The following USH2A variants were observed in gnomAD, a reference collection of about 807,000 sequenced individuals.
The protein encoded by USH2A is Usher syndrome 2A (autosomal recessive, mild).
USH2A carries 443 observed loss-of-function variants against 538.9 expected under a neutral mutation model. The ratio of observed to expected loss-of-function variants is 0.82; its 90% CI spans 0.76 to 0.89. The LOEUF is 0.89. Ranked by LOEUF, USH2A falls within the 40% of genes least tolerant of loss-of-function variation. The probability of loss-of-function intolerance (pLI) is 0.00; values close to 1 mark genes in which losing one functional copy is unlikely to be tolerated. For missense variants in USH2A, 6,633 were observed against 6,324.8 expected, an observed-to-expected ratio of 1.05 and a Z score of -1.65; for synonymous variants, 2,413 against 2,273.5, an observed-to-expected ratio of 1.06 and a Z score of -1.75.
At chr1:216,389,342 A>T (rs548340234) in intron 3 of USH2A, among the ~76,000 whole-genome samples, 1 of 152,294 alleles carries the variant, frequency 6.6e-6, no homozygotes, top group African/African-American at 2.4e-5. Flanking sequence ...TAGACAAATG[A>T]CAGATCACTT....
intron 9 of USH2A, among the ~76,000 whole-genome samples, chr1:216,300,207 G>A (rs1036549739): frequency 2.5e-4 from 38 of 152,230 alleles, no homozygotes; most frequent in African/African-American, 8.7e-4. Context: ...TGATTTTAAA[G>A]TTTGATTTAA....
chr1:215,782,758 C>T lies in USH2A; in HGVS notation c.10565G>A (p.Arg3522Lys). 6.2e-7 allele frequency: 1 copy of T among 1,613,756 alleles called. No individual in the cohort carries two copies. The highest frequency in any genetic ancestry group is 8.5e-7 in the Non-Finnish European group (1 of 1,179,836). ...AATACCATTTGATTGTATAGGTTTT[C>T]TCCAGTTTAAGACAATTGTATCTTC... The part of the protein sequence containing the change: ...NLEDTIVLNW[R>K]KPIQSNGPII... The change falls in exon 53 of 72, where the codon AGA becomes AAA. Residue 3522 changes from arginine (R) to lysine (K), a missense_variant. Coordinates refer to ENST00000307340, the MANE Select transcript of USH2A (RefSeq NM_206933.4).
At position 216,053,628 on chromosome 1, in the gene USH2A, A is replaced by C. The variant is rs554268065; in HGVS notation, c.6050-4981T>G. On this transcript the variant is annotated intron_variant, in intron 30 of 71. Transcript: ENST00000307340. Reference sequence around the variant, plus strand: ...GGGCAAGCTGAAGAAACATTCAATAAGCATAAAGTAAGCATTATTGATGTC... The same window carrying C: ...GGGCAAGCTGAAGAAACATTCAATACGCATAAAGTAAGCATTATTGATGTC... Among the ~76,000 whole-genome samples the C allele has an allele frequency of 5.9e-5, 9 of 152,242 alleles. No individual in the cohort carries two copies. In the South Asian group the frequency reaches 1.9e-3, roughly 32 times the overall value.
Position 216,246,861 on chromosome 1 carries a change from G to A in USH2A, c.2533C>T (p.Leu845=). Residue 845 remains leucine, a synonymous_variant, in exon 13 of 72, where the codon CTG becomes TTG. Coordinates refer to ENST00000307340, the MANE Select transcript of USH2A (RefSeq NM_206933.4). ...YLRQNNSFLC[L]PCNCDKTGTI... is the part of the protein sequence containing the mutation. Reference sequence around the variant, plus strand: ...CCAGTCTTATCACAGTTGCAAGGCAGACAGAGGAAAGAATTATTTTGCCGT... The same window carrying A: ...CCAGTCTTATCACAGTTGCAAGGCAAACAGAGGAAAGAATTATTTTGCCGT... 1.9e-6 allele frequency: 3 copies of A among 1,614,164 alleles called. No homozygotes were observed. Among genetic ancestry groups the A allele is most frequent in the Non-Finnish European group, 2.5e-6 (3 of 1,180,000 alleles).
chr1:215,891,213 G>A (rs1030905572), intron 40 of USH2A, among the ~76,000 whole-genome samples: 3 of 152,258 alleles, frequency 2.0e-5, no homozygotes, highest in Non-Finnish European at 4.4e-5. Flanking sequence ...GGAAAGGAGA[G>A]GTGTTCAATT....
intron 35 of USH2A, among the ~76,000 whole-genome samples, chr1:215,973,155 CT>C (rs145591542): frequency 0.012 from 1,865 of 152,182 alleles, 17 homozygotes; most frequent in Non-Finnish European, 0.021. Flanking sequence ...CCTATTTGAC[CT>C]GCTTTTTAAC....
At chr1:216,072,866 T>G in intron 29 of USH2A, 23 bp downstream of exon 29, 1 of 1,594,924 alleles carries the variant, frequency 6.3e-7, no homozygotes, top group Non-Finnish European at 8.6e-7. Context: ...TGTGCACATA[T>G]GCATTTGAAG....
chr1:216,135,998 C>T (rs1265342873), intron 21 of USH2A, among the ~76,000 whole-genome samples: 4 of 151,788 alleles, frequency 2.6e-5, no homozygotes, highest in African/African-American at 7.3e-5. Flanking sequence ...ATGTGATTAC[C>T]TTACCATATT....
At chr1:215,993,367 T>C (rs938296826) in intron 34 of USH2A, among the ~76,000 whole-genome samples, 200 bp from the exon 35 acceptor site, 3 of 152,198 alleles carry the variant, frequency 2.0e-5, no homozygotes, top group Non-Finnish European at 2.9e-5. Context: ...CCATCCCCAA[T>C]AGTTAGAGAA....
chr1:215,981,453 T>C (rs1438526128), intron 35 of USH2A, among the ~76,000 whole-genome samples: 1 of 152,196 alleles, frequency 6.6e-6, no homozygotes, highest in African/African-American at 2.4e-5. Context: ...CTAATAATAC[T>C]ACTCACTGTA....
At chr1:215,693,948 T>G (rs969796291) in intron 61 of USH2A, among the ~76,000 whole-genome samples, 8 of 152,306 alleles carry the variant, frequency 5.3e-5, no homozygotes, top group African/African-American at 1.7e-4. Context: ...TGAATCCAAT[T>G]TGTTTGAACT....
At chr1:216,092,186 T>G (rs2032318520) in intron 22 of USH2A, among the ~76,000 whole-genome samples, 1 of 152,174 alleles carries the variant, frequency 6.6e-6, no homozygotes, top group Non-Finnish European at 1.5e-5. Context: ...AGGTAATATG[T>G]CAATGGTCAT....
intron 61 of USH2A, among the ~76,000 whole-genome samples, chr1:215,714,549 T>A (rs1473928288): frequency 6.6e-6 from 1 of 152,220 alleles, no homozygotes; most frequent in Non-Finnish European, 1.5e-5. Context: ...TTCCTAGGTT[T>A]TTTCCCTCTC....
chr1:216,251,607 C>G (rs961212516), intron 11 of USH2A, among the ~76,000 whole-genome samples: 1 of 152,032 alleles, frequency 6.6e-6, no homozygotes, highest in East Asian at 1.9e-4. Context: ...CCCGCCACCA[C>G]GCTCAGCTAA....
chr1:216,329,284 G>T (rs2037800655), intron 4 of USH2A, among the ~76,000 whole-genome samples: 1 of 152,064 alleles, frequency 6.6e-6, no homozygotes, highest in Non-Finnish European at 1.5e-5. Flanking sequence ...TCAGTTAATT[G>T]GCCATCCAGG....
chr1:216,160,547 A>G (rs1230704250), intron 21 of USH2A, among the ~76,000 whole-genome samples: 1 of 152,034 alleles, frequency 6.6e-6, no homozygotes, highest in Non-Finnish European at 1.5e-5. Context: ...TGAAGTGGGA[A>G]GACTGCTTGA....
intron 14 of USH2A, among the ~76,000 whole-genome samples, chr1:216,223,431 C>T (rs956581109): frequency 1.8e-4 from 27 of 152,128 alleles, no homozygotes; most frequent in African/African-American, 6.5e-4. Context: ...AGGTCCTTTG[C>T]AGCTAACTGT....
At chr1:215,818,133 A>T (rs940061323) in intron 47 of USH2A, among the ~76,000 whole-genome samples, 25 of 151,938 alleles carry the variant, frequency 1.6e-4, no homozygotes, top group African/African-American at 6.0e-4. Flanking sequence ...TTATGTTATC[A>T]TTAAGGCTTC....
chr1:215,661,396 A>G (rs1444919230), intron 64 of USH2A, among the ~76,000 whole-genome samples: 2 of 152,072 alleles, frequency 1.3e-5, no homozygotes, highest in Non-Finnish European at 2.9e-5. Context: ...ATTTCCTCTC[A>G]ATGACCCACT....
Sources: gnomAD v4.1 joint callset for allele counts (sites outside exome capture counted in the v4.1 genomes callset) on GRCh38, gnomAD v4.1.1 for gene constraint, MANE v1.5 for transcripts, NCBI Gene and HGNC (gene_info 2026-07-23, HGNC 2026-07-21) for gene names.